Variants in CTNNA1 observed in about 807,000 individuals in gnomAD.
The protein encoded by CTNNA1 is catenin alpha-1.
In CTNNA1, 37 loss-of-function variants were observed where a neutral mutation model predicts 98.4. The ratio of observed to expected loss-of-function variants is 0.38; its 90% CI spans 0.29 to 0.49. The LOEUF (loss-of-function observed/expected upper bound fraction) is 0.49, where lower values mean the gene tolerates loss of function less well. Ranked by LOEUF, CTNNA1 falls within the 20% of genes least tolerant of loss-of-function variation. The pLI is 0.95. For missense variants in CTNNA1, 761 were observed against 1,147.2 expected (o/e 0.66, Z 4.86); for synonymous variants, 404 against 413.2 (o/e 0.98, Z 0.27).
At chr5:138,773,025 T>C (rs1307196259) in intron 1 of CTNNA1, among the ~76,000 whole-genome samples, 4 of 152,184 alleles carry the variant, frequency 2.6e-5, no homozygotes, top group African/African-American at 9.7e-5. Context: ...TAATCAAAAG[T>C]CAGAGGATAA....
chr5:138,805,610 TTTTG>T (rs1161816716), intron 3 of CTNNA1, among the ~76,000 whole-genome samples: 5 of 152,116 alleles, frequency 3.3e-5, no homozygotes, highest in South Asian at 2.1e-4. Context: ...ATTGGTCTAT[TTTTG>T]TTTGTTTGTT....
At chr5:138,870,440 T>A (rs1339542128) in intron 7 of CTNNA1, 2 of 152,248 alleles carry the variant, frequency 1.3e-5, no homozygotes, top group Non-Finnish European at 2.9e-5. Flanking sequence ...CAAAAAATTT[T>A]GATTTTTTTC....
intron 9 of CTNNA1, among the ~76,000 whole-genome samples, chr5:138,893,213 C>T (rs1314166322): frequency 2.6e-5 from 4 of 152,070 alleles, no homozygotes; most frequent in Non-Finnish European, 4.4e-5. Context: ...GCAGTGGAGG[C>T]TGTCATCATT....
intron 7 of CTNNA1, among the ~76,000 whole-genome samples, chr5:138,865,252 G>A (rs1267463157): frequency 1.3e-5 from 2 of 152,334 alleles, no homozygotes; most frequent in Non-Finnish European, 2.9e-5. Context: ...AACACCAGCT[G>A]CTGAAAGTGC....
chr5:138,768,920 GCATCTAGCAGGATCTGA>G (rs1753228862), intron 1 of CTNNA1, among the ~76,000 whole-genome samples: 3 of 151,996 alleles, frequency 2.0e-5, no homozygotes, highest in Non-Finnish European at 2.9e-5. Flanking sequence ...AATTCATCTA[GCATCTAGCAGGATCTGA>G]CATCTAGCAG....
chr5:138,932,205 A>G, intron 16 of CTNNA1: 13 of 1,027,324 alleles, frequency 1.3e-5, no homozygotes, highest in Non-Finnish European at 1.5e-5. Context: ...CTGCTTGCTG[A>G]GCCGGCTTGT....
intron 11 of CTNNA1, among the ~76,000 whole-genome samples, chr5:138,923,224 A>G (rs1763286848): frequency 6.6e-6 from 1 of 152,196 alleles, no homozygotes; most frequent in African/African-American, 2.4e-5. Context: ...AGTCCTGCTC[A>G]GTACATTTGT....
chr5:138,837,693 C>G (rs56322405), intron 7 of CTNNA1, among the ~76,000 whole-genome samples: 102,692 of 151,038 alleles, frequency 0.68, 35,150 homozygotes, highest in East Asian at 0.93. Flanking sequence ...GCAATCACAG[C>G]TCACTGCAGC....
intron 7 of CTNNA1, among the ~76,000 whole-genome samples, chr5:138,876,359 C>G (rs572331330): frequency 6.6e-6 from 1 of 152,330 alleles, no homozygotes; most frequent in East Asian, 1.9e-4. Flanking sequence ...GTCACTCATG[C>G]TTTGGACTGG....
chr5:138,755,217 A>C (rs1426581240), intron 1 of CTNNA1: 1 of 152,206 alleles, frequency 6.6e-6, no homozygotes, highest in African/African-American at 2.4e-5. Context: ...ATCTTACCTA[A>C]TAGTAACAAC....
intron 7 of CTNNA1, among the ~76,000 whole-genome samples, chr5:138,863,781 A>G (rs1764496160): frequency 6.6e-6 from 1 of 152,200 alleles, no homozygotes; most frequent in Non-Finnish European, 1.5e-5. Context: ...CACCTCCCAA[A>G]GAATTTGGAG....
chr5:138,858,600 T>C (rs201768293), intron 7 of CTNNA1, among the ~76,000 whole-genome samples: 23 of 26,594 alleles, frequency 8.6e-4, no homozygotes, highest in Non-Finnish European at 1.0e-3. Flanking sequence ...TTTTCTTTTT[T>C]TTTTTTTTTT....
rs150053081 is a variant in CTNNA1 at position 138,862,231 on chromosome 5, A to G, written c.1063-23981A>G. Among the ~76,000 whole-genome samples the G allele has an allele frequency of 9.9e-5, 15 of 152,278 alleles. No individual in the cohort carries two copies. In the East Asian group the frequency reaches 2.9e-3, roughly 29 times the overall value. The stretch of plus-strand genomic sequence containing the variant: ...TAATGGATTATGTTTGTGTTTTTAA[A>G]TTCTCATACCTCTCCTGCCCACACC... On this transcript the variant is annotated intron_variant, in intron 7 of 17. Coordinates refer to ENST00000302763, the MANE Select transcript of CTNNA1 (RefSeq NM_001903.5).
intron 9 of CTNNA1, among the ~76,000 whole-genome samples, chr5:138,898,158 A>ACC (rs201549123): frequency 2.5e-4 from 15 of 61,164 alleles, no homozygotes; most frequent in East Asian, 5.8e-4. Context: ...TTCCTCCCCC[A>ACC]CCCCCCCCCA....
At chr5:138,909,357 C>G (rs1379207510) in intron 10 of CTNNA1, among the ~76,000 whole-genome samples, 2 of 151,410 alleles carry the variant, frequency 1.3e-5, no homozygotes, top group East Asian at 1.9e-4. Context: ...TTCCTCCCCC[C>G]CCACCCTTTT....
In CTNNA1 at chr5:138,857,213, G is replaced by A. The variant is rs183619647; in HGVS notation, c.1063-28999G>A. Among the ~76,000 whole-genome samples the A allele has an allele frequency of 2.0e-5, 3 of 152,172 alleles. No homozygotes were observed. The East Asian group carries it at 5.8e-4, about 29-fold the overall frequency. ...AAATTGCCAGAATACATCTCTCTAAGTCACTGCTTTGGTCATCATATCCTA... is the reference window on the plus strand; with the variant it reads ...AAATTGCCAGAATACATCTCTCTAAATCACTGCTTTGGTCATCATATCCTA... On this transcript the variant is annotated intron_variant, in intron 7 of 17. Transcript: ENST00000302763.
chr5:138,857,878 T>TAA (rs546127131), intron 7 of CTNNA1, among the ~76,000 whole-genome samples: 1 of 152,232 alleles, frequency 6.6e-6, no homozygotes, highest in Non-Finnish European at 1.5e-5. Context: ...CTTACAATTG[T>TAA]AATTCCCTTT....
At chr5:138,781,388 T>C (rs1234742758) in intron 1 of CTNNA1, among the ~76,000 whole-genome samples, 1 of 152,074 alleles carries the variant, frequency 6.6e-6, no homozygotes, top group Admixed American at 6.6e-5. Context: ...ACCCCGTCTC[T>C]ACTAAAAATG....
chr5:138,877,517 G>A (rs1751902142), intron 7 of CTNNA1, among the ~76,000 whole-genome samples: 2 of 149,692 alleles, frequency 1.3e-5, no homozygotes, highest in African/African-American at 2.5e-5. Flanking sequence ...GCGCAATCTC[G>A]GCTCACTGCA....
Sources: gnomAD v4.1 joint callset for allele counts (sites outside exome capture counted in the v4.1 genomes callset) on GRCh38, gnomAD v4.1.1 for gene constraint, MANE v1.5 for transcripts, NCBI Gene and HGNC (gene_info 2026-07-23, HGNC 2026-07-21) for gene names.